Variants in UST observed in about 807,000 individuals in gnomAD.
The protein encoded by UST is uronyl 2-sulfotransferase.
A neutral mutation model predicts 45.6 loss-of-function variants in UST; 21 were observed. That is an observed-to-expected ratio of 0.46 (90% CI 0.33 to 0.66). UST has a LOEUF of 0.66. Among genes scored for constraint, UST ranks in the 30% least tolerant of loss-of-function variants. The pLI is 0.02. For synonymous variants in UST, 215 were observed against 200.6 expected (o/e 1.07, Z -0.61); for missense variants, 463 against 512.4 (o/e 0.90, Z 0.93).
At chr6:148,946,813 CAAAAAAAAAAA>C (rs60990121) in intron 3 of UST, among the ~76,000 whole-genome samples, 8 of 56,824 alleles carry the variant, frequency 1.4e-4, no homozygotes, top group African/African-American at 6.9e-4. Flanking sequence ...GACTCCATCC[CAAAAAAAAAAA>C]AAAAAAAAAA....
At chr6:148,827,216 A>G (rs1305099767) in intron 1 of UST, among the ~76,000 whole-genome samples, 1 of 152,198 alleles carries the variant, frequency 6.6e-6, no homozygotes, top group Non-Finnish European at 1.5e-5. Flanking sequence ...TTATCATCAG[A>G]ATAGATTTGC....
In UST at chr6:149,058,344, C is replaced by CGTGTGT. The variant is rs768018530; in HGVS notation, c.938-15489_938-15488insGTGTGT. On this transcript the variant is annotated intron_variant, in intron 7 of 7. Coordinates refer to ENST00000367463, the MANE Select transcript of UST (RefSeq NM_005715.3). The stretch of plus-strand genomic sequence containing the variant: ...GGCCTCCTCCCTGCCAAAGGAGGAG[C>CGTGTGT]ATGTGTGTGTGTGTGTGTGTGTGTG... 6.9e-3 allele frequency among the ~76,000 whole-genome samples: 880 copies of CGTGTGT among 126,754 alleles called. 14 individuals are homozygous for CGTGTGT. Among genetic ancestry groups the CGTGTGT allele is most frequent in the Non-Finnish European group, 0.01 (623 of 60,676 alleles). The allele number at this position is 126,754 out of a possible 152,430, so 83.2% of individuals were successfully genotyped here.
intron 5 of UST, among the ~76,000 whole-genome samples, chr6:148,979,707 T>C (rs1781092156): frequency 6.6e-6 from 1 of 152,210 alleles, no homozygotes; most frequent in Admixed American, 6.5e-5. Flanking sequence ...TTCAAAGTGA[T>C]GACACTGTTC....
At chr6:149,005,732 C>A in intron 5 of UST, 1 of 635,408 alleles carries the variant, frequency 1.6e-6, no homozygotes, top group Non-Finnish European at 2.0e-6. Context: ...CTTCTGTGTG[C>A]ATTAATTTAT....
chr6:148,972,641 C>T (rs1489269789), intron 5 of UST, among the ~76,000 whole-genome samples: 2 of 152,262 alleles, frequency 1.3e-5, no homozygotes, highest in Non-Finnish European at 2.9e-5. Flanking sequence ...CGCCGGCCAC[C>T]TGTCAGCTGA....
chr6:149,036,971 A>G (rs1776247736), intron 7 of UST, among the ~76,000 whole-genome samples: 1 of 152,206 alleles, frequency 6.6e-6, no homozygotes, highest in Admixed American at 6.5e-5. Flanking sequence ...GCGTATGACC[A>G]TTTAAAGGTA....
intron 1 of UST, among the ~76,000 whole-genome samples, chr6:148,828,451 T>C (rs565852506): frequency 1.3e-5 from 2 of 152,306 alleles, no homozygotes; most frequent in South Asian, 4.1e-4. Context: ...ATTTAAATTA[T>C]CGTATGCTCC....
In UST at chr6:149,017,797, T is replaced by TAC. The variant is rs1327763227; in HGVS notation, c.682-1341_682-1340insCA. 9.5e-3 allele frequency among the ~76,000 whole-genome samples: 567 copies of TAC among 59,448 alleles called. 4 individuals are homozygous for TAC. The highest frequency in any genetic ancestry group is 0.032 in the South Asian group (45 of 1,392). The allele number at this position is 59,448 out of a possible 152,430, so 39.0% of individuals were successfully genotyped here. On this transcript the variant is annotated intron_variant, in intron 5 of 7. Coordinates refer to ENST00000367463, the MANE Select transcript of UST (RefSeq NM_005715.3). ...CTCATTGCAGCAATGAATATCCATA[T>TAC]ATACACACACACACACACACACACA...
chr6:149,007,381 G>A (rs1409230963), intron 5 of UST, among the ~76,000 whole-genome samples: 1 of 148,496 alleles, frequency 6.7e-6, no homozygotes, highest in Non-Finnish European at 1.5e-5. Flanking sequence ...TCTGCCTTCT[G>A]GGTTCACACC....
At chr6:149,063,461 G>A (rs1232575550) in intron 7 of UST, among the ~76,000 whole-genome samples, 3 of 152,156 alleles carry the variant, frequency 2.0e-5, no homozygotes, top group Non-Finnish European at 2.9e-5. Context: ...ATGAATTAAA[G>A]TAGAGAGGCA....
intron 2 of UST, among the ~76,000 whole-genome samples, chr6:148,938,750 G>A (rs1212684711): frequency 1.3e-5 from 2 of 151,328 alleles, no homozygotes; most frequent in African/African-American, 4.8e-5. Context: ...TTTCATAATA[G>A]CTATGAAAAA....
chr6:148,893,092 A>G (rs1779051053), intron 2 of UST, among the ~76,000 whole-genome samples: 2 of 152,232 alleles, frequency 1.3e-5, no homozygotes, highest in African/African-American at 4.8e-5. Flanking sequence ...AAGTGGGTCC[A>G]ATGGATGCTA....
In UST at chr6:149,019,268, G is replaced by A. The variant is rs374383956; in HGVS notation, c.779+32G>A. ...GCTAAAGCAGGGTCATGGCATGCACGTACGCACAACAAGGGCAAGAACCCC... is the reference window on the plus strand; with the variant it reads ...GCTAAAGCAGGGTCATGGCATGCACATACGCACAACAAGGGCAAGAACCCC... On this transcript the variant is annotated intron_variant, in intron 6 of 7. Transcript: ENST00000367463. 1.5e-4 allele frequency: 240 copies of A among 1,554,174 alleles called. No individual in the cohort carries two copies. In the African/African-American group the frequency reaches 2.1e-3, roughly 14 times the overall value.
chr6:149,033,691 C>T (rs921001360), intron 7 of UST, among the ~76,000 whole-genome samples: 1 of 152,172 alleles, frequency 6.6e-6, no homozygotes, highest in African/African-American at 2.4e-5. Context: ...CACCCCGCCC[C>T]TCGTCTTTAC....
intron 1 of UST, among the ~76,000 whole-genome samples, chr6:148,785,080 A>G (rs956061486): frequency 6.6e-6 from 1 of 152,154 alleles, no homozygotes; most frequent in Non-Finnish European, 1.5e-5. Flanking sequence ...GTGTGCCTGT[A>G]GTCCCAGCTA....
At chr6:149,049,473 T>C (rs6570927) in intron 7 of UST, among the ~76,000 whole-genome samples, 53,861 of 152,058 alleles carry the variant, frequency 0.35, 10,032 homozygotes, top group African/African-American at 0.42. Context: ...AGTCATATCT[T>C]TGGGTGGTGG....
intron 3 of UST, among the ~76,000 whole-genome samples, chr6:148,949,564 T>G (rs948782630): frequency 6.6e-6 from 1 of 152,110 alleles, no homozygotes; most frequent in Admixed American, 6.5e-5. Flanking sequence ...TAAGACTGTT[T>G]GCCCCATGTG....
chr6:149,015,865 G>A (rs764357046), intron 5 of UST, among the ~76,000 whole-genome samples: 3 of 152,214 alleles, frequency 2.0e-5, no homozygotes, highest in Non-Finnish European at 4.4e-5. Flanking sequence ...CAGCTCATTG[G>A]TCTCATTTAG....
At chr6:148,777,327 T>C (rs546799824) in intron 1 of UST, among the ~76,000 whole-genome samples, 1 of 152,350 alleles carries the variant, frequency 6.6e-6, no homozygotes, top group East Asian at 1.9e-4. Flanking sequence ...AATTGAATTA[T>C]GCAATTTTCA....
Sources: gnomAD v4.1 joint callset for allele counts (sites outside exome capture counted in the v4.1 genomes callset) on GRCh38, gnomAD v4.1.1 for gene constraint, MANE v1.5 for transcripts, NCBI Gene and HGNC (gene_info 2026-07-23, HGNC 2026-07-21) for gene names.